ZBTB20: variants seen among roughly 807,000 people sequenced by gnomAD.
ZBTB20 encodes the protein zinc finger and BTB domain-containing protein 20.
In ZBTB20, 9 loss-of-function variants were observed where a neutral mutation model predicts 56.9. The ratio of observed to expected loss-of-function variants is 0.16; its 90% CI spans 0.10 to 0.28. ZBTB20 has a LOEUF of 0.28. Among genes scored for constraint, ZBTB20 ranks in the 10% least tolerant of loss-of-function variants. ZBTB20 has a pLI of 1.00. For synonymous variants in ZBTB20, 417 were observed against 420.7 expected, an observed-to-expected ratio of 0.99 and a Z score of 0.11; for missense variants, 655 against 1,003.0, an observed-to-expected ratio of 0.65 and a Z score of 4.69.
chr3:114,914,464 A>G lies in ZBTB20; in HGVS notation c.-455-14122T>C, dbSNP rs1298170159. ...ACTGAATTTATTGATCAGTTCTAAT[A>G]GTTTTCTGGTGAAGTCTTCAAATAT... On this transcript the variant is annotated intron_variant, in intron 3 of 11. Transcript: ENST00000675478. 2.0e-5 allele frequency among the ~76,000 whole-genome samples: 3 copies of G among 151,980 alleles called. No homozygotes were observed. In the South Asian group the frequency reaches 6.2e-4, roughly 31 times the overall value.
intron 4 of ZBTB20, among the ~76,000 whole-genome samples, chr3:114,835,468 T>G (rs764372508): frequency 2.6e-5 from 4 of 152,188 alleles, no homozygotes; most frequent in Non-Finnish European, 5.9e-5. Context: ...TTTGTGGCAT[T>G]ATGAAGTGAT....
At chr3:115,129,602 A>G (rs1424463773) in intron 1 of ZBTB20, among the ~76,000 whole-genome samples, 18 of 152,350 alleles carry the variant, frequency 1.2e-4, no homozygotes, top group Admixed American at 1.0e-3. Context: ...GCTATAAATT[A>G]CAAGGAGATA....
chr3:114,363,576 C>T (rs2082094689), intron 10 of ZBTB20, among the ~76,000 whole-genome samples: 3 of 152,164 alleles, frequency 2.0e-5, no homozygotes, highest in South Asian at 4.1e-4. Flanking sequence ...GACCTGTTAT[C>T]CCACCTGTAA....
At chr3:114,418,299 T>C (rs2088790088) in intron 7 of ZBTB20, among the ~76,000 whole-genome samples, 1 of 152,088 alleles carries the variant, frequency 6.6e-6, no homozygotes, top group African/African-American at 2.4e-5. Context: ...TGTGACAGCC[T>C]TATGGCTATT....
chr3:115,145,661 C>G (rs1434314813), intron 1 of ZBTB20, among the ~76,000 whole-genome samples: 1 of 152,114 alleles, frequency 6.6e-6, no homozygotes, highest in Admixed American at 6.5e-5. Context: ...AGAACCCAGG[C>G]ACAGGAAGGG....
chr3:114,679,112 C>T (rs188898067), intron 6 of ZBTB20, among the ~76,000 whole-genome samples: 1 of 152,226 alleles, frequency 6.6e-6, no homozygotes, highest in Admixed American at 6.5e-5. Flanking sequence ...CCCTTCCTTA[C>T]ACCTTATACA....
At chr3:115,015,669 A>G (rs2079921844) in intron 2 of ZBTB20, among the ~76,000 whole-genome samples, 1 of 151,934 alleles carries the variant, frequency 6.6e-6, no homozygotes, top group South Asian at 2.1e-4. Context: ...TTATGGCTGC[A>G]TAGTATTCCA....
intron 6 of ZBTB20, among the ~76,000 whole-genome samples, chr3:114,586,729 C>T (rs1219204728): frequency 6.6e-6 from 1 of 152,122 alleles, no homozygotes; most frequent in Non-Finnish European, 1.5e-5. Context: ...AATTCAAGAT[C>T]CTCTCATTAG....
chr3:114,748,317 TC>T lies in ZBTB20; in HGVS notation c.-343+52783del, dbSNP rs1161698896. On this transcript the variant is annotated intron_variant, in intron 5 of 11. Transcript: ENST00000675478. ...TTCTTTCTTTCTTTCTTTCTTTCTT[TC>T]TTTCTTTCTTTCTTTCTTCTTTCTT... is the stretch of plus-strand genomic sequence containing the variant. Among the ~76,000 whole-genome samples the T allele has an allele frequency of 2.9e-5, 4 of 137,156 alleles. No homozygotes were observed. In the East Asian group the frequency reaches 8.3e-4, roughly 29 times the overall value. 90.0% of individuals were successfully genotyped at this position (137,156 alleles called of 152,430 possible).
At chr3:114,514,773 G>A (rs990618417) in intron 6 of ZBTB20, among the ~76,000 whole-genome samples, 12 of 152,126 alleles carry the variant, frequency 7.9e-5, no homozygotes, top group African/African-American at 2.9e-4. Context: ...CACCTCTGTA[G>A]ACTCTCTAAC....
At chr3:114,841,536 G>A (rs145394239) in intron 4 of ZBTB20, among the ~76,000 whole-genome samples, 1,802 of 152,230 alleles carry the variant, frequency 0.012, 17 homozygotes, top group South Asian at 0.042. Context: ...GATGAGAGTA[G>A]TAGTTCTGAT....
chr3:115,022,359 C>A (rs2080240365), intron 2 of ZBTB20, among the ~76,000 whole-genome samples: 1 of 150,778 alleles, frequency 6.6e-6, no homozygotes, highest in Admixed American at 6.6e-5. Context: ...AAAGTAGTTG[C>A]CTTGGGAGAC....
intron 6 of ZBTB20, among the ~76,000 whole-genome samples, chr3:114,500,683 T>C (rs569412296): frequency 2.6e-5 from 4 of 152,204 alleles, no homozygotes; most frequent in Non-Finnish European, 4.4e-5. Context: ...ATCTGTATCA[T>C]ATAGGATTTG....
At chr3:114,527,128 T>G (rs375380094) in intron 6 of ZBTB20, 3 of 152,124 alleles carry the variant, frequency 2.0e-5, no homozygotes, top group African/African-American at 4.8e-5. Context: ...CACCTCCATA[T>G]TTAGCTGCAG....
intron 2 of ZBTB20, among the ~76,000 whole-genome samples, chr3:115,021,416 T>G (rs2080199030): frequency 6.6e-6 from 1 of 150,940 alleles, no homozygotes; most frequent in African/African-American, 2.4e-5. Flanking sequence ...ATATAGTATC[T>G]GTGTGTACAC....
At chr3:114,554,558 GA>G in intron 6 of ZBTB20, among the ~76,000 whole-genome samples, 1 of 152,176 alleles carries the variant, frequency 6.6e-6, no homozygotes, top group Middle Eastern at 3.4e-3. Context: ...GAAGAAAAAG[GA>G]AGACAAAAAA....
intron 2 of ZBTB20, among the ~76,000 whole-genome samples, chr3:115,022,539 C>A (rs772254339): frequency 9.9e-5 from 15 of 151,048 alleles, no homozygotes; most frequent in African/African-American, 3.4e-4. Context: ...GTTTACCTGA[C>A]AGAGCCAAGT....
intron 7 of ZBTB20, among the ~76,000 whole-genome samples, chr3:114,422,013 GCT>G (rs1375527020): frequency 2.6e-5 from 4 of 152,074 alleles, no homozygotes; most frequent in Admixed American, 1.3e-4. Flanking sequence ...CACAAGTATA[GCT>G]CTGTTCCATG....
chr3:114,589,074 A>G (rs2055478642), intron 6 of ZBTB20, among the ~76,000 whole-genome samples: 1 of 152,118 alleles, frequency 6.6e-6, no homozygotes, highest in Non-Finnish European at 1.5e-5. Context: ...CCATGATTCA[A>G]TTACTTCTCA....
Sources: allele counts gnomAD v4.1 joint callset (sites outside exome capture counted in the v4.1 genomes callset), GRCh38; gene constraint gnomAD v4.1.1; transcripts MANE v1.5; gene names NCBI Gene and HGNC (gene_info 2026-07-23, HGNC 2026-07-21).